ITSN1: variants seen among roughly 807,000 people sequenced by gnomAD.
ITSN1 encodes the protein intersectin 1.
Under a neutral mutation model 239.8 loss-of-function variants are expected in ITSN1, and 58 were observed. That is an observed-to-expected ratio of 0.24 (90% CI 0.20 to 0.30). ITSN1 has a LOEUF of 0.30. Ranked by LOEUF, ITSN1 falls within the 10% of genes least tolerant of loss-of-function variation. The pLI is 1.00. For missense variants in ITSN1, 1,558 were observed against 2,103.3 expected (o/e 0.74, Z 5.07); for synonymous variants, 780 against 770.8 (o/e 1.01, Z -0.20).
At chr21:33,741,070 G>C (rs115785981) in intron 5 of ITSN1, among the ~76,000 whole-genome samples, 163 of 152,290 alleles carry the variant, frequency 1.1e-3, no homozygotes, top group African/African-American at 3.7e-3. Context: ...CTTTTCCTCA[G>C]TGTCTTTTTG....
chr21:33,715,134 A>T (rs189369680), intron 1 of ITSN1, among the ~76,000 whole-genome samples: 48 of 152,332 alleles, frequency 3.2e-4, no homozygotes, highest in Non-Finnish European at 5.1e-4. Context: ...ATGAAATACC[A>T]AAACTGTCAC....
Position 33,856,803 on chromosome 21 carries a change from C to G in ITSN1, c.3729C>G (p.His1243Gln), listed in dbSNP as rs770796256. Residue 1243 changes from histidine to glutamine, a missense_variant, in exon 30 of 40, where the codon CAC becomes CAG. His to Gln is a conservative substitution (Grantham distance 24). This residue lies in a region of ITSN1 where 576 missense variants were observed against 893.3 expected (regional missense o/e 0.64). Coordinates refer to ENST00000381318, the MANE Select transcript of ITSN1 (RefSeq NM_003024.3). The stretch of plus-strand genomic sequence containing the variant: ...AAAGAAAGCGACAAGGATACATCCA[C>G]GAGCTCATTGTCACCGAGGAGAACT... ...PTERKRQGYI[H>Q]ELIVTEENYV... The G allele has an allele frequency of 1.2e-6, 2 of 1,614,136 alleles. No individual in the cohort carries two copies.
At chr21:33,782,166 C>G in intron 16 of ITSN1, 33 bp downstream of exon 16, 1 of 1,598,430 alleles carries the variant, frequency 6.3e-7, no homozygotes, top group Non-Finnish European at 8.5e-7. Context: ...CATGTGTGTC[C>G]TACCTTTAAT....
intron 36 of ITSN1, 82 bp downstream of exon 36, chr21:33,883,753 C>A: frequency 6.6e-7 from 1 of 1,509,510 alleles, no homozygotes; most frequent in Non-Finnish European, 9.0e-7. Context: ...TAATCAGGTG[C>A]CAATGTTTCC....
At chr21:33,768,042 C>A (rs540886694) in intron 11 of ITSN1, among the ~76,000 whole-genome samples, 2 of 152,086 alleles carry the variant, frequency 1.3e-5, no homozygotes, top group Admixed American at 6.5e-5. Flanking sequence ...GCTAATGCAC[C>A]GTTGTTCTAA....
chr21:33,748,604 C>T (rs913774536), intron 5 of ITSN1, among the ~76,000 whole-genome samples: 1 of 151,956 alleles, frequency 6.6e-6, no homozygotes, highest in Non-Finnish European at 1.5e-5. Context: ...CTTTGAGAGG[C>T]TGAGGCAGGA....
At chr21:33,677,465 G>A (rs8127576) in intron 1 of ITSN1, among the ~76,000 whole-genome samples, 5,812 of 151,632 alleles carry the variant, frequency 0.038, 371 homozygotes, top group African/African-American at 0.13. Context: ...TCAACCTCCC[G>A]AGTACCTGGG....
chr21:33,672,394 A>T (rs774540760), intron 1 of ITSN1, among the ~76,000 whole-genome samples: 1 of 152,176 alleles, frequency 6.6e-6, no homozygotes, highest in Non-Finnish European at 1.5e-5. Context: ...AACTGGTGCT[A>T]CCTAGGGAAG....
intron 6 of ITSN1, among the ~76,000 whole-genome samples, chr21:33,751,564 A>C (rs2067556394): frequency 6.6e-6 from 1 of 152,224 alleles, no homozygotes. Context: ...TTTAATGAAG[A>C]GTAAAATTTT....
intron 27 of ITSN1, among the ~76,000 whole-genome samples, chr21:33,831,434 G>A (rs1261433908): frequency 6.6e-6 from 1 of 152,236 alleles, no homozygotes; most frequent in East Asian, 1.9e-4. Context: ...TAGTGGGCCT[G>A]TAGACTGACT....
intron 14 of ITSN1, among the ~76,000 whole-genome samples, chr21:33,775,625 G>A (rs956016227): frequency 6.6e-6 from 1 of 152,166 alleles, no homozygotes; most frequent in Non-Finnish European, 1.5e-5. Flanking sequence ...CAGGGAAATA[G>A]TGCCAAAGTC....
At chr21:33,804,788 C>T (rs2072280517) in intron 20 of ITSN1, among the ~76,000 whole-genome samples, 2 of 152,104 alleles carry the variant, frequency 1.3e-5, no homozygotes, top group African/African-American at 4.8e-5. Context: ...TTTCATGGGC[C>T]ACATTGCAAG....
intron 27 of ITSN1, among the ~76,000 whole-genome samples, chr21:33,832,737 G>C (rs2074368010): frequency 6.6e-6 from 1 of 152,180 alleles, no homozygotes; most frequent in African/African-American, 2.4e-5. Context: ...TTGAGCCAAG[G>C]GGATGGAATC....
chr21:33,839,262 G>A (rs2074741989), intron 29 of ITSN1, among the ~76,000 whole-genome samples: 1 of 152,222 alleles, frequency 6.6e-6, no homozygotes, highest in Non-Finnish European at 1.5e-5. Context: ...TGCACGGTAT[G>A]TGTGTGACAA....
intron 1 of ITSN1, among the ~76,000 whole-genome samples, chr21:33,654,284 G>A (rs2088837223): frequency 6.8e-6 from 1 of 146,488 alleles, no homozygotes; most frequent in African/African-American, 2.5e-5. Context: ...ATGAACTTCT[G>A]GACTCAAGTG....
chr21:33,715,886 C>G (rs2065106739), intron 1 of ITSN1, among the ~76,000 whole-genome samples: 1 of 151,868 alleles, frequency 6.6e-6, no homozygotes, highest in Non-Finnish European at 1.5e-5. Context: ...CCACTGCACT[C>G]CAGCCTGGGG....
chr21:33,873,908 C>T (rs1983185353), intron 33 of ITSN1, among the ~76,000 whole-genome samples: 3 of 151,262 alleles, frequency 2.0e-5, no homozygotes, highest in Admixed American at 1.3e-4. Context: ...CGCCTGTAAT[C>T]CCAGCACTTT....
intron 1 of ITSN1, among the ~76,000 whole-genome samples, chr21:33,677,645 C>T (rs941128541): frequency 2.6e-5 from 4 of 152,060 alleles, no homozygotes; most frequent in East Asian, 1.9e-4. Context: ...CAGCCCAAAA[C>T]GGAATTCTTG....
chr21:33,690,810 T>TATATAC (rs1377515230), intron 1 of ITSN1, among the ~76,000 whole-genome samples: 2 of 17,720 alleles, frequency 1.1e-4, no homozygotes, highest in African/African-American at 6.5e-4. Context: ...TATATATATA[T>TATATAC]ATATGTATAT....
Sources: gnomAD v4.1 joint callset for allele counts (sites outside exome capture counted in the v4.1 genomes callset) on GRCh38, gnomAD v4.1.1 for gene constraint, gnomAD v4.1.1 regional missense constraint, MANE v1.5 for transcripts, NCBI Gene and HGNC (gene_info 2026-07-23, HGNC 2026-07-21) for gene names.